XKR4: variants seen among roughly 807,000 people sequenced by gnomAD.
XKR4 encodes XK-related protein 4.
XKR4 carries 12 observed loss-of-function variants against 53.9 expected under a neutral mutation model. That is an observed-to-expected ratio of 0.22 (90% confidence interval 0.14 to 0.36). The LOEUF is 0.36. XKR4 is among the 10% of genes least tolerant of loss of function. The probability of loss-of-function intolerance (pLI) is 1.00; values close to 1 mark genes in which losing one functional copy is unlikely to be tolerated. For missense variants in XKR4, 799 were observed against 859.5 expected, an observed-to-expected ratio of 0.93 and a Z score of 0.88; for synonymous variants, 354 against 362.4, an observed-to-expected ratio of 0.98 and a Z score of 0.26.
chr8:55,463,043 ACTGT>A (rs1805688860), intron 2 of XKR4, among the ~76,000 whole-genome samples: 1 of 152,164 alleles, frequency 6.6e-6, no homozygotes, highest in African/African-American at 2.4e-5. Context: ...TTAACACCCC[ACTGT>A]CAACATTAGA....
intron 1 of XKR4, among the ~76,000 whole-genome samples, chr8:55,176,451 G>C (rs1817235952): frequency 6.6e-6 from 1 of 152,184 alleles, no homozygotes; most frequent in Non-Finnish European, 1.5e-5. Flanking sequence ...TGGGGTGTGA[G>C]TGTGTGTGCG....
rs557146729 is a variant in XKR4 at position 55,311,506 on chromosome 8, G to A, written c.807-46172G>A. ...AAAGGAGCGGGGCAGCTGGAGATGT[G>A]GCTAGAAGGTGAGGGGAACCCAGAT... On this transcript the variant is annotated intron_variant, in intron 1 of 2. Transcript: ENST00000327381. Among the ~76,000 whole-genome samples, 20 of 152,324 alleles carry A rather than the reference G, an allele frequency of 1.3e-4. No homozygotes were observed. In the South Asian group the frequency reaches 3.9e-3, roughly 30 times the overall value.
At chr8:55,391,842 G>T (rs1804447332) in intron 2 of XKR4, among the ~76,000 whole-genome samples, 1 of 152,076 alleles carries the variant, frequency 6.6e-6, no homozygotes, top group Non-Finnish European at 1.5e-5. Flanking sequence ...CAGTGTTTTG[G>T]CTATACTAAC....
intron 1 of XKR4, among the ~76,000 whole-genome samples, chr8:55,219,092 C>G (rs1007935500): frequency 2.0e-5 from 3 of 151,458 alleles, no homozygotes. Context: ...GTCATGAATC[C>G]CTTGTTAGAG....
At chr8:55,241,674 A>G (rs1473550473) in intron 1 of XKR4, among the ~76,000 whole-genome samples, 3 of 152,172 alleles carry the variant, frequency 2.0e-5, no homozygotes, top group Non-Finnish European at 4.4e-5. Context: ...TCATTCCCCT[A>G]GGTCTCCTTC....
At position 55,454,519 on chromosome 8, in the gene XKR4, G is replaced by A. The variant is rs79162315; in HGVS notation, c.1007-68762G>A. 2.1e-3 allele frequency: 2,738 copies of A among 1,329,148 alleles called. 42 individuals are homozygous for A. The African/African-American group carries it at 0.036, about 18-fold the overall frequency. The allele number at this position is 1,329,148 out of a possible 1,614,324, so 82.3% of individuals were successfully genotyped here. A position where few individuals can be genotyped will look rare whatever the true frequency, so the allele number is the denominator to read the frequency against. ...ACAGTACGTTGGTGATGCCCAGCTGGCGGAAGAGCAGGCCACGCTGCAGCT... is the reference window on the plus strand; with the variant it reads ...ACAGTACGTTGGTGATGCCCAGCTGACGGAAGAGCAGGCCACGCTGCAGCT... On this transcript the variant is annotated intron_variant, in intron 2 of 2. Transcript: ENST00000327381.
intron 1 of XKR4, among the ~76,000 whole-genome samples, chr8:55,204,328 A>G (rs780360813): frequency 6.6e-6 from 1 of 152,206 alleles, no homozygotes; most frequent in African/African-American, 2.4e-5. Flanking sequence ...AAATGGAATT[A>G]AATGGAATGG....
intron 2 of XKR4, among the ~76,000 whole-genome samples, chr8:55,461,189 C>A (rs1232826818): frequency 1.3e-5 from 2 of 152,246 alleles, no homozygotes; most frequent in Non-Finnish European, 2.9e-5. Context: ...AAGTGGGTCC[C>A]TGAACCCGGA....
At chr8:55,490,345 T>C (rs1806253610) in intron 2 of XKR4, among the ~76,000 whole-genome samples, 1 of 152,082 alleles carries the variant, frequency 6.6e-6, no homozygotes, top group African/African-American at 2.4e-5. Flanking sequence ...AAAAAACAAA[T>C]ACCAAATGTT....
At chr8:55,521,751 G>A (rs1029270243) in intron 2 of XKR4, among the ~76,000 whole-genome samples, 8 of 152,174 alleles carry the variant, frequency 5.3e-5, no homozygotes, top group African/African-American at 1.2e-4. Flanking sequence ...TGTATTTCCT[G>A]TCAATTAGTG....
At chr8:55,452,371 T>A (rs893006153) in intron 2 of XKR4, 1 of 628,794 alleles carries the variant, frequency 1.6e-6, no homozygotes, top group Non-Finnish European at 2.9e-6. Flanking sequence ...AGCATCCCCG[T>A]GAAGATGACC....
intron 2 of XKR4, among the ~76,000 whole-genome samples, chr8:55,411,331 C>T (rs1207094513): frequency 1.3e-5 from 2 of 152,118 alleles, no homozygotes; most frequent in East Asian, 1.9e-4. Context: ...ATTGAATGTC[C>T]TCATATTTGT....
chr8:55,540,183 G>A lies in XKR4; in HGVS notation c.*15956G>A, dbSNP rs1317156662. 1 of 152,156 alleles carries A rather than the reference G, an allele frequency of 6.6e-6. No homozygotes were observed. Among genetic ancestry groups the A allele is most frequent in the Non-Finnish European group, 1.5e-5 (1 of 68,042 alleles). 9.4% of individuals were successfully genotyped at this position (152,156 alleles called of 1,614,324 possible). ...AAGATTCATGTGATTATGCTGCTGA[G>A]GACCAGTCATTCTGTAAACATCACA... is the stretch of plus-strand genomic sequence containing the variant. On this transcript the variant is annotated 3_prime_UTR_variant, in exon 3 of 3. Transcript: ENST00000327381.
intron 1 of XKR4, among the ~76,000 whole-genome samples, chr8:55,207,867 C>T (rs1031918079): frequency 3.9e-5 from 6 of 152,166 alleles, no homozygotes; most frequent in East Asian, 1.9e-4. Flanking sequence ...TCACCTCCAG[C>T]ACGTTCCCCA....
chr8:55,508,857 C>T (rs1806582503), intron 2 of XKR4, among the ~76,000 whole-genome samples: 1 of 152,220 alleles, frequency 6.6e-6, no homozygotes, highest in South Asian at 2.1e-4. Context: ...AGGCTACAGA[C>T]TGCCTGGGAC....
rs151012120 is a variant in XKR4 at position 55,532,390 on chromosome 8, A to G, written c.*8163A>G. On this transcript the variant is annotated 3_prime_UTR_variant, in exon 3 of 3. Transcript: ENST00000327381. Reference sequence around the variant, plus strand: ...AAAATCTTGTTTAACGAAAAAAATCAATACCAAAACTAATTAATCAAAATA... The same window carrying G: ...AAAATCTTGTTTAACGAAAAAAATCGATACCAAAACTAATTAATCAAAATA... 3.0e-4 allele frequency: 45 copies of G among 152,364 alleles called. No homozygotes were observed. Among genetic ancestry groups the G allele is most frequent in the African/African-American group, 1.1e-3 (44 of 41,582 alleles). The allele number at this position is 152,364 out of a possible 1,614,324, so 9.4% of individuals were successfully genotyped here. A position where few individuals can be genotyped will look rare whatever the true frequency, so the allele number is the denominator to read the frequency against.
chr8:55,445,151 G>A (rs945631808), intron 2 of XKR4, among the ~76,000 whole-genome samples: 5 of 152,034 alleles, frequency 3.3e-5, no homozygotes, highest in Non-Finnish European at 5.9e-5. Context: ...TCCGCCTCCC[G>A]GGTTCATGCC....
At chr8:55,522,116 T>C (rs1025782193) in intron 2 of XKR4, among the ~76,000 whole-genome samples, 6 of 152,204 alleles carry the variant, frequency 3.9e-5, no homozygotes, top group African/African-American at 1.4e-4. Context: ...GAGGCCAGTG[T>C]GTTTTTAGGT....
At chr8:55,270,475 G>A (rs186149933) in intron 1 of XKR4, among the ~76,000 whole-genome samples, 14 of 152,306 alleles carry the variant, frequency 9.2e-5, no homozygotes, top group Admixed American at 8.5e-4. Flanking sequence ...CAGCTCTGGA[G>A]TGTTGATCAC....
Sources: gnomAD v4.1 joint callset for allele counts (sites outside exome capture counted in the v4.1 genomes callset) on GRCh38, gnomAD v4.1.1 for gene constraint, MANE v1.5 for transcripts, NCBI Gene and HGNC (gene_info 2026-07-23, HGNC 2026-07-21) for gene names.